Variants in NFKBIZ observed in about 807,000 individuals in gnomAD.
NFKBIZ encodes NF-kappa-B inhibitor zeta.
A neutral mutation model predicts 76.8 loss-of-function variants in NFKBIZ; 19 were observed. That is an observed-to-expected ratio of 0.25 (90% CI 0.17 to 0.36). The LOEUF (loss-of-function observed/expected upper bound fraction) is 0.36. NFKBIZ is among the 10% of genes least tolerant of loss of function. The pLI is 1.00. For missense variants in NFKBIZ, 829 were observed against 910.9 expected (o/e 0.91, Z 1.16); for synonymous variants, 368 against 354.8 (o/e 1.04, Z -0.42).
At chr3:101,853,951 G>T (rs1458864846) in intron 5 of NFKBIZ, 88 bp downstream of exon 5, 19 of 1,248,704 alleles carry the variant, frequency 1.5e-5, no homozygotes, top group East Asian at 2.4e-5. Flanking sequence ...GTATAACAAG[G>T]TATACCTTAG....
chr3:101,853,443 C>G lies in NFKBIZ; in HGVS notation c.917C>G (p.Pro306Arg). ...VEQQPHYTHK[P>R]TLEYSPFPIP... ...CAGCAGCCACACTACACCCACAAAC[C>G]AACTCTGGAATACAGTCCTTTTCCC... The change falls in exon 5 of 12, where the codon CCA becomes CGA. Residue 306 changes from proline to arginine, a missense_variant. Around this residue, in one of 4 missense-constraint regions of NFKBIZ, gnomAD observed 371 missense variants for 332.3 expected, o/e 1.12. Coordinates refer to ENST00000326172, the MANE Select transcript of NFKBIZ (RefSeq NM_031419.4). The G allele has an allele frequency of 6.2e-7, 1 of 1,614,202 alleles. No individual in the cohort carries two copies. The highest frequency in any genetic ancestry group is 8.5e-7 in the Non-Finnish European group (1 of 1,180,044).
chr3:101,855,376 C>T lies in NFKBIZ; in HGVS notation c.1591-19C>T, dbSNP rs1943033867. The T allele has an allele frequency of 6.2e-7, 1 of 1,613,912 alleles. No homozygotes were observed. Among genetic ancestry groups the T allele is most frequent in the Non-Finnish European group, 8.5e-7 (1 of 1,179,820 alleles). On this transcript the variant is annotated intron_variant, in intron 7 of 11. Coordinates refer to ENST00000326172, the MANE Select transcript of NFKBIZ (RefSeq NM_031419.4). ...CGCAGCTTATGTAGCTAACAGATGT[C>T]TGTTTTTAAAATCTGCAGGCGATTC...
chr3:101,832,092 GTTTCTTTC>G (rs746126836), intron 2 of NFKBIZ, among the ~76,000 whole-genome samples: 1 of 151,796 alleles, frequency 6.6e-6, no homozygotes, highest in Non-Finnish European at 1.5e-5. Flanking sequence ...GTTCTTTTTT[GTTTCTTTC>G]TTTCTTTTTT....
chr3:101,857,053 T>TACA lies in NFKBIZ; in HGVS notation c.1825-20_1825-19insACA. The TACA allele has an allele frequency of 6.9e-7, 1 of 1,459,458 alleles. No homozygotes were observed. Among genetic ancestry groups the TACA allele is most frequent in the Non-Finnish European group, 9.5e-7 (1 of 1,056,356 alleles). The allele number at this position is 1,459,458 out of a possible 1,614,324, so 90.4% of individuals were successfully genotyped here. A position where few individuals can be genotyped will look rare whatever the true frequency, so the allele number is the denominator to read the frequency against. ...TCTGGATTTTTTTTTTTTTTTTTCCTCCCTCTTGCCTTTGACAAGGATCGC... is the reference window on the plus strand; with the variant it reads ...TCTGGATTTTTTTTTTTTTTTTTCCTACACCCTCTTGCCTTTGACAAGGATCGC... On this transcript the variant is annotated intron_variant, in intron 9 of 11. Transcript: ENST00000326172.
chr3:101,853,785 G>T lies in NFKBIZ; in HGVS notation c.1259G>T (p.Trp420Leu), dbSNP rs1365563179. ...TTQLGKSLFQWQVEQEESKLA... is the reference protein window; with the variant it reads ...TTQLGKSLFQLQVEQEESKLA... Reference sequence around the variant, plus strand: ...CAGTTAGGGAAATCACTTTTTCAGTGGCAGGTGGAGCAGGAAGAAAGCAAA... The same window carrying T: ...CAGTTAGGGAAATCACTTTTTCAGTTGCAGGTGGAGCAGGAAGAAAGCAAA... Residue 420 changes from tryptophan (W) to leucine (L), a missense_variant, in exon 5 of 12, where the codon TGG becomes TTG. Physicochemically the swap from Trp to Leu is moderately conservative, Grantham distance 61. This residue lies in a region of NFKBIZ where 272 missense variants were observed against 384.2 expected (regional missense o/e 0.71). Coordinates refer to ENST00000326172, the MANE Select transcript of NFKBIZ (RefSeq NM_031419.4). 1.2e-6 allele frequency: 2 copies of T among 1,614,090 alleles called. No individual in the cohort carries two copies. Among genetic ancestry groups the T allele is most frequent in the Middle Eastern group, 1.6e-4 (1 of 6,062 alleles).
chr3:101,844,434 G>A (rs1942824570), intron 2 of NFKBIZ, among the ~76,000 whole-genome samples: 1 of 152,174 alleles, frequency 6.6e-6, no homozygotes, highest in African/African-American at 2.4e-5. Flanking sequence ...CTGCTGCCTT[G>A]ATTTGTTTTA....
rs1418252378 is a variant in NFKBIZ, at chr3:101,853,841, T to G, written c.1315T>G (p.Ser439Ala). 1 of 1,613,072 alleles carries G rather than the reference T, an allele frequency of 6.2e-7. No homozygotes were observed. The highest frequency in any genetic ancestry group is 1.3e-5 in the African/African-American group (1 of 74,950). ...AAATATTTCCCAAGACCAGTTTCTTTCAAAGGATGCAGATGGTGACACGTG... is the reference window on the plus strand; with the variant it reads ...AAATATTTCCCAAGACCAGTTTCTTGCAAAGGATGCAGATGGTGACACGTG... ...LANISQDQFL[S>A]KDADGDTFLH... is the part of the protein sequence containing the mutation. Residue 439 changes from serine to alanine, a missense_variant, in exon 5 of 12, where the codon TCA becomes GCA. Physicochemically the swap from Ser to Ala is moderately conservative, Grantham distance 99 (BLOSUM62 1). Coordinates refer to ENST00000326172, the MANE Select transcript of NFKBIZ (RefSeq NM_031419.4).
intron 8 of NFKBIZ, 79 bp downstream of exon 8, chr3:101,855,537 A>G: frequency 7.2e-7 from 1 of 1,394,472 alleles, no homozygotes; most frequent in East Asian, 2.3e-5. Context: ...TATACTAAGA[A>G]GGAAGGTAAT....
intron 2 of NFKBIZ, among the ~76,000 whole-genome samples, chr3:101,837,673 G>A (rs1450644170): frequency 6.6e-6 from 1 of 152,152 alleles, no homozygotes; most frequent in Non-Finnish European, 1.5e-5. Flanking sequence ...GGGTGTCTTT[G>A]TTGGTTTCCA....
chr3:101,846,143 G>C (rs189429217), upstream of NFKBIZ, among the ~76,000 whole-genome samples: 1 of 152,164 alleles, frequency 6.6e-6, no homozygotes, highest in Non-Finnish European at 1.5e-5. Flanking sequence ...TCATCTGAAG[G>C]CCCGATGTGC....
chr3:101,857,093 A>T lies in NFKBIZ; in HGVS notation c.1845A>T (p.Thr615=). Reference sequence around the variant, plus strand: ...ACAAGGATCGCAAAAGTGGCCGCACAGCCCTGCATTTGGCAGCTGAAGAAG... The same window carrying T: ...ACAAGGATCGCAAAAGTGGCCGCACTGCCCTGCATTTGGCAGCTGAAGAAG... ...VEAKDRKSGR[T]ALHLAAEEAN... The change falls in exon 10 of 12, where the codon ACA becomes ACT. Residue 615 remains threonine, a synonymous_variant. Coordinates refer to ENST00000326172, the MANE Select transcript of NFKBIZ (RefSeq NM_031419.4). The T allele has an allele frequency of 1.2e-6, 2 of 1,612,852 alleles. No individual in the cohort carries two copies. The highest frequency in any genetic ancestry group is 1.7e-6 in the Non-Finnish European group (2 of 1,179,250).
exon 1 of NFKBIZ, chr3:101,828,167 G>T (rs1174374006): frequency 1.3e-5 from 2 of 152,126 alleles, no homozygotes; most frequent in Non-Finnish European, 2.9e-5. Flanking sequence ...TGTGTGACTT[G>T]ACTCTTCAAA....
intron 2 of NFKBIZ, among the ~76,000 whole-genome samples, chr3:101,842,820 C>T (rs1261264481): frequency 6.6e-6 from 1 of 151,042 alleles, no homozygotes; most frequent in African/African-American, 2.4e-5. Flanking sequence ...TGATCATTTG[C>T]ATCAAGTAAG....
chr3:101,852,344 C>G (rs772796454), intron 2 of NFKBIZ, 120 bp downstream of exon 2: 2 of 1,237,650 alleles, frequency 1.6e-6, no homozygotes, highest in African/African-American at 1.5e-5. Flanking sequence ...CATAAGATGA[C>G]AAAGTCCATA....
Position 101,855,124 on chromosome 3 carries a change from C to T in NFKBIZ, c.1506C>T (p.Ile502=), listed in dbSNP as rs147605486. The change falls in exon 7 of 12, where the codon ATC becomes ATT. Residue 502 remains isoleucine (I), a synonymous_variant. Transcript: ENST00000326172. ...QHLIVQDLVN[I]GAQVNTTDCW... is the part of the protein sequence containing the mutation. ...TCATTGTGCAGGATCTGGTGAACAT[C>T]GGGGCACAGGTGAACACCACAGACT... 1.2e-4 allele frequency: 197 copies of T among 1,613,936 alleles called. 1 individual carries two copies. In the African/African-American group the frequency reaches 1.8e-3, roughly 15 times the overall value.
At chr3:101,850,801 A>T (rs1942945002) in intron 1 of NFKBIZ, among the ~76,000 whole-genome samples, 1 of 152,246 alleles carries the variant, frequency 6.6e-6, no homozygotes, top group Admixed American at 6.5e-5. Flanking sequence ...TTTCATTTTA[A>T]GTCATTTAAA....
chr3:101,855,378 GT>G lies in NFKBIZ; in HGVS notation c.1591-12del, dbSNP rs1943034038. On this transcript the variant is annotated splice_polypyrimidine_tract_variant and intron_variant, in intron 7 of 11. Transcript: ENST00000326172. ...CAGCTTATGTAGCTAACAGATGTCT[GT>G]TTTTAAAATCTGCAGGCGATTCAGA... 1 of 1,613,960 alleles carries G rather than the reference GT, an allele frequency of 6.2e-7. No homozygotes were observed. Among genetic ancestry groups the G allele is most frequent in the African/African-American group, 1.3e-5 (1 of 74,942 alleles).
intron 2 of NFKBIZ, among the ~76,000 whole-genome samples, chr3:101,844,144 C>T (rs986321871): frequency 1.6e-4 from 25 of 152,186 alleles, no homozygotes; most frequent in African/African-American, 5.6e-4. Context: ...CAGCTCACAA[C>T]TCAAACAGTA....
intron 11 of NFKBIZ, 86 bp from the exon 12 acceptor site, chr3:101,859,232 A>G: frequency 1.0e-6 from 1 of 982,780 alleles, no homozygotes; most frequent in Non-Finnish European, 1.6e-6. Flanking sequence ...TGTAGATGGT[A>G]TAAGAAAGGA....
Sources: gnomAD v4.1 joint callset for allele counts (sites outside exome capture counted in the v4.1 genomes callset) on GRCh38, gnomAD v4.1.1 for gene constraint, gnomAD v4.1.1 regional missense constraint, MANE v1.5 for transcripts, NCBI Gene and HGNC (gene_info 2026-07-23, HGNC 2026-07-21) for gene names.